FGF14: variants seen among roughly 807,000 people sequenced by gnomAD.
FGF14 encodes fibroblast growth factor homologous factor 4.
In FGF14, 5 loss-of-function variants were observed where a neutral mutation model predicts 25.5. The observed-to-expected ratio is 0.20, with a 90% CI of 0.10 to 0.41. The LOEUF (loss-of-function observed/expected upper bound fraction) is 0.41. Ranked by LOEUF, FGF14 falls within the 10% of genes least tolerant of loss-of-function variation. The probability of loss-of-function intolerance (pLI) is 1.00; values close to 1 mark genes in which losing one functional copy is unlikely to be tolerated. For synonymous variants in FGF14, 138 were observed against 118.3 expected (o/e 1.17, Z -1.08); for missense variants, 222 against 320.1 (o/e 0.69, Z 2.34).
At chr13:102,195,579 G>GAAAC (rs141029822) in intron 1 of FGF14, among the ~76,000 whole-genome samples, 4 of 151,360 alleles carry the variant, frequency 2.6e-5, no homozygotes, top group African/African-American at 9.7e-5. Context: ...GAAAAAGAGA[G>GAAAC]AAACAAACAA....
chr13:102,224,340 A>T (rs16959978), intron 1 of FGF14, among the ~76,000 whole-genome samples: 1 of 152,144 alleles, frequency 6.6e-6, no homozygotes, highest in Non-Finnish European at 1.5e-5. Flanking sequence ...ATGTCATTTC[A>T]GTATCAGATC....
At chr13:101,980,930 A>G (rs1412489996) in intron 1 of FGF14, among the ~76,000 whole-genome samples, 9 of 152,086 alleles carry the variant, frequency 5.9e-5, no homozygotes, top group Non-Finnish European at 1.3e-4. Flanking sequence ...TCCTCAACGG[A>G]GTAAGTACTG....
intron 1 of FGF14, among the ~76,000 whole-genome samples, chr13:102,133,050 T>A (rs1441342073): frequency 6.6e-6 from 1 of 152,194 alleles, no homozygotes; most frequent in Non-Finnish European, 1.5e-5. Flanking sequence ...TTCTATTCCA[T>A]CTCCTACAAT....
intron 1 of FGF14, among the ~76,000 whole-genome samples, chr13:102,304,402 T>C (rs1035146621): frequency 3.9e-5 from 6 of 152,136 alleles, no homozygotes; most frequent in Non-Finnish European, 4.4e-5. Flanking sequence ...AGCTCCTGAT[T>C]CTTCCCTAAC....
chr13:102,222,386 A>T (rs2050651693), intron 1 of FGF14, among the ~76,000 whole-genome samples: 1 of 152,180 alleles, frequency 6.6e-6, no homozygotes, highest in South Asian at 2.1e-4. Context: ...TATTTGTTTG[A>T]CAACGTATGT....
chr13:101,918,985 CTAAT>C (rs1395795297), upstream of FGF14, among the ~76,000 whole-genome samples: 10 of 152,168 alleles, frequency 6.6e-5, no homozygotes, highest in East Asian at 1.9e-4. Flanking sequence ...AAGGGGAATG[CTAAT>C]TATTTTGCTC....
At chr13:102,168,268 G>A (rs904973098) in intron 1 of FGF14, among the ~76,000 whole-genome samples, 5 of 152,092 alleles carry the variant, frequency 3.3e-5, no homozygotes, top group Non-Finnish European at 7.4e-5. Context: ...AGGCAAAGAC[G>A]TCAGATCCTC....
At chr13:102,366,751 T>G (rs1378903533) in intron 1 of FGF14, 3 of 151,544 alleles carry the variant, frequency 2.0e-5, no homozygotes, top group Non-Finnish European at 4.4e-5. Flanking sequence ...TATAAAATAA[T>G]CTCAAGCAGG....
intron 1 of FGF14, among the ~76,000 whole-genome samples, chr13:101,947,277 T>C (rs1365229864): frequency 6.6e-6 from 1 of 152,196 alleles, no homozygotes; most frequent in Non-Finnish European, 1.5e-5. Context: ...AGCTTGGCGA[T>C]TTCTCTAAGA....
At chr13:102,214,345 CCTT>C (rs1440238890) in intron 1 of FGF14, among the ~76,000 whole-genome samples, 3 of 152,078 alleles carry the variant, frequency 2.0e-5, no homozygotes, top group Non-Finnish European at 2.9e-5. Flanking sequence ...TTTATTGTCT[CCTT>C]CTATTCTTAC....
intron 2 of FGF14, among the ~76,000 whole-genome samples, chr13:101,869,145 A>C (rs1472339679): frequency 6.6e-6 from 1 of 152,168 alleles, no homozygotes; most frequent in Non-Finnish European, 1.5e-5. Flanking sequence ...TACCAAAAGA[A>C]ATCAACTGTG....
chr13:102,109,216 A>G (rs1009532329), intron 1 of FGF14, among the ~76,000 whole-genome samples: 4 of 152,188 alleles, frequency 2.6e-5, no homozygotes, highest in African/African-American at 9.6e-5. Flanking sequence ...TAAGATTTTC[A>G]GGAAAATCTC....
chr13:101,864,944 C>T (rs969553927), intron 3 of FGF14, among the ~76,000 whole-genome samples: 11 of 152,076 alleles, frequency 7.2e-5, no homozygotes, highest in Admixed American at 2.6e-4. Flanking sequence ...CAAGAGAAAT[C>T]ATGTAATCTG....
At chr13:102,340,231 C>G (rs756904842) in intron 1 of FGF14, among the ~76,000 whole-genome samples, 7 of 152,168 alleles carry the variant, frequency 4.6e-5, no homozygotes, top group Non-Finnish European at 8.8e-5. Flanking sequence ...TTGCCCATCC[C>G]CACATCTTTT....
chr13:102,331,399 A>C lies in FGF14; in HGVS notation c.208+70072T>G, dbSNP rs145197535. On this transcript the variant is annotated intron_variant, in intron 1 of 4. Coordinates refer to the FGF14 transcript ENST00000376131. ...CTGTTCTACTCCATCACATGTGTGC[A>C]TCATCAGCTTGCATGTATTGGTTAA... Among the ~76,000 whole-genome samples, 283 of 152,320 alleles carry C rather than the reference A, an allele frequency of 1.9e-3. 1 individual carries two copies. The highest frequency in any genetic ancestry group is 6.5e-3 in the African/African-American group (270 of 41,588).
At chr13:101,878,076 C>T (rs548512121) in intron 1 of FGF14, among the ~76,000 whole-genome samples, 73 of 152,228 alleles carry the variant, frequency 4.8e-4, no homozygotes, top group East Asian at 1.5e-3. Flanking sequence ...TGCACCTTAC[C>T]GCAGTAAGGC....
intron 1 of FGF14, among the ~76,000 whole-genome samples, chr13:102,253,484 G>A (rs563672458): frequency 2.3e-4 from 35 of 152,210 alleles, no homozygotes; most frequent in South Asian, 1.0e-3. Context: ...AGAAGTGTCC[G>A]TTCATATCCT....
intron 1 of FGF14, among the ~76,000 whole-genome samples, chr13:102,262,291 C>T (rs557858559): frequency 1.4e-4 from 21 of 152,146 alleles, no homozygotes; most frequent in South Asian, 6.2e-4. Context: ...CAGAAGTAAA[C>T]GTTTGCTATC....
At chr13:101,931,786 G>T (rs887875152) in intron 1 of FGF14, among the ~76,000 whole-genome samples, 2 of 152,060 alleles carry the variant, frequency 1.3e-5, no homozygotes, top group African/African-American at 4.8e-5. Flanking sequence ...TCTGTACCTC[G>T]CAAAGCACCT....
Sources: gnomAD v4.1 joint callset for allele counts (sites outside exome capture counted in the v4.1 genomes callset) on GRCh38, gnomAD v4.1.1 for gene constraint, MANE v1.5 for transcripts, NCBI Gene and HGNC (gene_info 2026-07-23, HGNC 2026-07-21) for gene names.